PINX1: variants seen among roughly 807,000 people sequenced by gnomAD.
The protein encoded by PINX1 is PIN2 (TERF1) interacting telomerase inhibitor 1, also known as PIN2/TERF1-interacting telomerase inhibitor 1.
In PINX1, 34 loss-of-function variants were observed where a neutral mutation model predicts 25.4. The ratio of observed to expected loss-of-function variants is 1.34; its 90% CI spans 1.02 to 1.78. The LOEUF (loss-of-function observed/expected upper bound fraction) is 1.78. PINX1 is among the 40% of genes most tolerant of loss of function. The probability of loss-of-function intolerance (pLI) is 0.00; values close to 1 mark genes in which losing one functional copy is unlikely to be tolerated. For synonymous variants in PINX1, 197 were observed against 147.7 expected, an observed-to-expected ratio of 1.33 and a Z score of -2.42; for missense variants, 592 against 404.9, an observed-to-expected ratio of 1.46 and a Z score of -3.97.
Position 10,806,313 on chromosome 8 carries a change from C to A in PINX1, c.471+13880G>T, listed in dbSNP as rs573473290. Among the ~76,000 whole-genome samples the A allele has an allele frequency of 3.9e-5, 6 of 152,340 alleles. No individual in the cohort carries two copies. The South Asian group carries it at 1.2e-3, about 32-fold the overall frequency. On this transcript the variant is annotated intron_variant, in intron 6 of 6. Transcript: ENST00000314787. ...ACAAGCTGCAGTAGGAGCTCATGGACGCACGTGTGGGGGAGAGGTCTCCAT... is the reference window on the plus strand; with the variant it reads ...ACAAGCTGCAGTAGGAGCTCATGGAAGCACGTGTGGGGGAGAGGTCTCCAT...
chr8:10,809,934 G>C (rs760952783), intron 6 of PINX1, among the ~76,000 whole-genome samples: 1 of 152,220 alleles, frequency 6.6e-6, no homozygotes, highest in Non-Finnish European at 1.5e-5. Context: ...GGTTGCATAG[G>C]AGGTGTGCCG....
chr8:10,818,719 G>A (rs1797775760), intron 6 of PINX1, among the ~76,000 whole-genome samples: 1 of 152,150 alleles, frequency 6.6e-6, no homozygotes, highest in Non-Finnish European at 1.5e-5. Flanking sequence ...GGGACGTGGA[G>A]TTGATACAAA....
At chr8:10,784,734 C>T (rs898825410) in intron 6 of PINX1, among the ~76,000 whole-genome samples, 4 of 152,128 alleles carry the variant, frequency 2.6e-5, no homozygotes, top group East Asian at 1.9e-4. Flanking sequence ...AGAGTCAGAA[C>T]GTGAATTAAA....
At position 10,778,844 on chromosome 8, in the gene PINX1, G is replaced by A. The variant is rs114220516; in HGVS notation, c.472-12928C>T. ...AATCTCATAGTTAAATCTTTGTTTT[G>A]TCCCAGATTGTCCAAGAGGGTGGGC... On this transcript the variant is annotated intron_variant, in intron 6 of 6. Transcript: ENST00000314787. Among the ~76,000 whole-genome samples the A allele has an allele frequency of 2.3e-3, 345 of 152,264 alleles. 2 individuals carry two copies. Among genetic ancestry groups the A allele is most frequent in the African/African-American group, 7.9e-3 (327 of 41,546 alleles).
At chr8:10,781,081 A>G (rs1490728373) in intron 6 of PINX1, among the ~76,000 whole-genome samples, 1 of 152,198 alleles carries the variant, frequency 6.6e-6, no homozygotes, top group Non-Finnish European at 1.5e-5. Context: ...TGACAAGAGC[A>G]TGAAGAAGAC....
chr8:10,786,272 G>A (rs187578450), intron 6 of PINX1, among the ~76,000 whole-genome samples: 4 of 152,264 alleles, frequency 2.6e-5, no homozygotes, highest in East Asian at 3.9e-4. Flanking sequence ...GTCTATAAAC[G>A]GCATCAATAC....
chr8:10,808,663 C>T (rs181616440), intron 6 of PINX1, among the ~76,000 whole-genome samples: 63 of 152,264 alleles, frequency 4.1e-4, no homozygotes, highest in Non-Finnish European at 2.9e-4. Context: ...TTTTAACTCA[C>T]GCAATGTGGA....
chr8:10,807,715 A>G (rs1226039086), intron 6 of PINX1, among the ~76,000 whole-genome samples: 1 of 152,232 alleles, frequency 6.6e-6, no homozygotes. Flanking sequence ...TTTTCAACTC[A>G]GAATTCTATA....
intron 6 of PINX1, among the ~76,000 whole-genome samples, chr8:10,815,394 ATAAT>A (rs1313080049): frequency 1.3e-5 from 2 of 152,276 alleles, no homozygotes; most frequent in African/African-American, 4.8e-5. Context: ...TATATTCAAA[ATAAT>A]TAAGAGAGCA....
intron 4 of PINX1, among the ~76,000 whole-genome samples, chr8:10,827,735 T>C (rs1046521525): frequency 5.4e-4 from 81 of 149,674 alleles, no homozygotes; most frequent in African/African-American, 2.0e-3. Flanking sequence ...TGAAACCCCG[T>C]CTCTACTAAA....
At chr8:10,768,197 A>G (rs531759142) in intron 6 of PINX1, among the ~76,000 whole-genome samples, 9 of 152,236 alleles carry the variant, frequency 5.9e-5, no homozygotes, top group African/African-American at 1.9e-4. Flanking sequence ...TTTATGCAAC[A>G]GAAGTCTCAC....
chr8:10,769,387 AT>A, intron 6 of PINX1, among the ~76,000 whole-genome samples: 1 of 152,226 alleles, frequency 6.6e-6, no homozygotes, highest in East Asian at 1.9e-4. Context: ...AAAACATTTG[AT>A]GACTGACTTT....
At chr8:10,776,673 T>C (rs1050422218) in intron 6 of PINX1, among the ~76,000 whole-genome samples, 2 of 152,082 alleles carry the variant, frequency 1.3e-5, no homozygotes, top group African/African-American at 2.4e-5. Flanking sequence ...GACCTCAGGC[T>C]GCCCACTCTT....
chr8:10,792,315 G>A (rs1801949306), intron 6 of PINX1, among the ~76,000 whole-genome samples: 1 of 151,862 alleles, frequency 6.6e-6, no homozygotes, highest in Non-Finnish European at 1.5e-5. Flanking sequence ...TGACCCTTTT[G>A]TCCTTTATGG....
chr8:10,811,964 T>A (rs901542743), intron 6 of PINX1, among the ~76,000 whole-genome samples: 1 of 152,052 alleles, frequency 6.6e-6, no homozygotes, highest in African/African-American at 2.4e-5. Flanking sequence ...GAATGAGAGG[T>A]ATCACTGAGG....
intron 5 of PINX1, 90 bp downstream of exon 5, chr8:10,826,062 A>G: frequency 1.5e-6 from 1 of 668,094 alleles, no homozygotes. Flanking sequence ...TAAAGCATGA[A>G]GTCGCTATTG....
In PINX1 at chr8:10,828,234, G is replaced by C. The variant is rs538877918; in HGVS notation, c.302-1990C>G. Among the ~76,000 whole-genome samples the C allele has an allele frequency of 2.3e-3, 344 of 152,254 alleles. 1 individual carries two copies. Among genetic ancestry groups the C allele is most frequent in the Non-Finnish European group, 3.8e-3 (257 of 68,018 alleles). ...AGGGACACCTTGGATTTTTTGCAAAGACATCCTACCAGTAAATTCTTCTCT... is the reference window on the plus strand; with the variant it reads ...AGGGACACCTTGGATTTTTTGCAAACACATCCTACCAGTAAATTCTTCTCT... On this transcript the variant is annotated intron_variant, in intron 4 of 6. Coordinates refer to ENST00000314787, the MANE Select transcript of PINX1 (RefSeq NM_017884.6).
At chr8:10,767,276 CA>C (rs1342090915) in intron 6 of PINX1, among the ~76,000 whole-genome samples, 3 of 152,154 alleles carry the variant, frequency 2.0e-5, no homozygotes, top group African/African-American at 7.2e-5. Context: ...CAGTGGTCCT[CA>C]AAAGCCACCT....
At chr8:10,811,114 A>AGGG (rs757912257) in intron 6 of PINX1, among the ~76,000 whole-genome samples, 1 of 152,270 alleles carries the variant, frequency 6.6e-6, no homozygotes. Context: ...CACTTCGCTA[A>AGGG]GAGTTCTTCA....
Sources: allele counts gnomAD v4.1 joint callset (sites outside exome capture counted in the v4.1 genomes callset), GRCh38; gene constraint gnomAD v4.1.1; transcripts MANE v1.5; gene names NCBI Gene and HGNC (gene_info 2026-07-23, HGNC 2026-07-21).